Variants in EYS observed in about 807,000 individuals in gnomAD.
The protein encoded by EYS is protein eyes shut homolog.
A neutral mutation model predicts 282.1 loss-of-function variants in EYS; 250 were observed. That is an observed-to-expected ratio of 0.89 (90% CI 0.80 to 0.98). The LOEUF is 0.98. Among genes scored for constraint, EYS ranks in the 50% least tolerant of loss-of-function variants. EYS has a pLI of 0.00. For synonymous variants in EYS, 1,355 were observed against 1,282.9 expected, an observed-to-expected ratio of 1.06 and a Z score of -1.20; for missense variants, 4,016 against 3,709.0, an observed-to-expected ratio of 1.08 and a Z score of -2.15.
At chr6:65,487,052 T>C (rs1321931752) in intron 5 of EYS, among the ~76,000 whole-genome samples, 1 of 152,198 alleles carries the variant, frequency 6.6e-6, no homozygotes, top group African/African-American at 2.4e-5. Context: ...TGAAGTTCCT[T>C]ATCAGCTTAA....
At chr6:64,439,829 C>G (rs577355048) in intron 26 of EYS, among the ~76,000 whole-genome samples, 92 of 151,892 alleles carry the variant, frequency 6.1e-4, no homozygotes, top group African/African-American at 2.2e-3. Context: ...CTCTCACCTT[C>G]TGAATGATAT....
intron 41 of EYS, among the ~76,000 whole-genome samples, chr6:63,755,029 AT>A (rs1397492329): frequency 6.6e-6 from 1 of 151,576 alleles, no homozygotes; most frequent in Non-Finnish European, 1.5e-5. Context: ...CCACTTTTTG[AT>A]GGGGTTGTTT....
intron 2 of EYS, among the ~76,000 whole-genome samples, chr6:65,527,104 A>G (rs1767597191): frequency 6.6e-6 from 1 of 152,168 alleles, no homozygotes; most frequent in Admixed American, 6.5e-5. Flanking sequence ...GTGTCAGTCC[A>G]TGGGACAGAA....
chr6:65,504,941 GT>G (rs1289991716), intron 2 of EYS, among the ~76,000 whole-genome samples: 1 of 151,720 alleles, frequency 6.6e-6, no homozygotes, highest in Non-Finnish European at 1.5e-5. Context: ...CTTAGGAAGT[GT>G]TCCATCTGCT....
At chr6:64,826,641 G>T (rs1161080809) in intron 19 of EYS, among the ~76,000 whole-genome samples, 1 of 148,508 alleles carries the variant, frequency 6.7e-6, no homozygotes, top group Non-Finnish European at 1.5e-5. Context: ...TATTATAATA[G>T]AAATTATATA....
At chr6:64,490,546 T>G (rs1314324264) in intron 26 of EYS, among the ~76,000 whole-genome samples, 1 of 150,862 alleles carries the variant, frequency 6.6e-6, no homozygotes, top group Non-Finnish European at 1.5e-5. Flanking sequence ...ACCTCTGGTT[T>G]GTGGTATGTG....
At chr6:64,886,568 A>G (rs1195960292) in intron 19 of EYS, 129 bp downstream of exon 19, 1 of 575,580 alleles carries the variant, frequency 1.7e-6, no homozygotes, top group African/African-American at 2.0e-5. Flanking sequence ...TAAGAGACAA[A>G]TTATCTCTTG....
chr6:63,996,640 A>G (rs1767850616), intron 34 of EYS, among the ~76,000 whole-genome samples: 1 of 152,166 alleles, frequency 6.6e-6, no homozygotes, highest in Non-Finnish European at 1.5e-5. Context: ...TGGACTATCT[A>G]GCTAGAATGT....
intron 30 of EYS, among the ~76,000 whole-genome samples, chr6:64,301,391 A>T (rs190387302): frequency 6.6e-6 from 1 of 152,140 alleles, no homozygotes; most frequent in Non-Finnish European, 1.5e-5. Context: ...AGGCAACAAG[A>T]TTGCATAGAC....
At chr6:64,736,572 C>T (rs1314129956) in intron 22 of EYS, among the ~76,000 whole-genome samples, 2 of 152,114 alleles carry the variant, frequency 1.3e-5, no homozygotes, top group African/African-American at 4.8e-5. Context: ...CTTGTTCCTC[C>T]CTTTGGCCCA....
At chr6:65,477,057 C>T (rs1270084493) in intron 5 of EYS, among the ~76,000 whole-genome samples, 1 of 152,046 alleles carries the variant, frequency 6.6e-6, no homozygotes, top group Non-Finnish European at 1.5e-5. Flanking sequence ...TGGTATTGTG[C>T]TTTTATAGCC....
chr6:64,499,320 C>T (rs1224018665), intron 26 of EYS, among the ~76,000 whole-genome samples: 1 of 152,166 alleles, frequency 6.6e-6, no homozygotes, highest in East Asian at 1.9e-4. Context: ...TTTTATGTCT[C>T]TTGGCTTTTC....
At chr6:65,582,042 A>G (rs1472153700) in intron 2 of EYS, among the ~76,000 whole-genome samples, 2 of 151,532 alleles carry the variant, frequency 1.3e-5, no homozygotes, top group African/African-American at 2.4e-5. Flanking sequence ...ATATATATAT[A>G]TAAATTAGCC....
intron 31 of EYS, among the ~76,000 whole-genome samples, chr6:64,128,990 C>T (rs1426707298): frequency 6.6e-6 from 1 of 152,094 alleles, no homozygotes; most frequent in Admixed American, 6.5e-5. Context: ...AGTGGTGAGG[C>T]AAATTATATA....
chr6:65,026,651 C>T (rs1004477917), intron 13 of EYS, among the ~76,000 whole-genome samples: 1 of 152,156 alleles, frequency 6.6e-6, no homozygotes, highest in East Asian at 1.9e-4. Context: ...GGCATGGTGG[C>T]TCTCTCCTGT....
intron 28 of EYS, among the ~76,000 whole-genome samples, chr6:64,416,413 G>A (rs949528534): frequency 6.6e-6 from 1 of 152,038 alleles, no homozygotes; most frequent in Non-Finnish European, 1.5e-5. Flanking sequence ...AACAAGAGCA[G>A]CAGTAAACCA....
intron 35 of EYS, among the ~76,000 whole-genome samples, chr6:63,953,517 C>A (rs986264691): frequency 6.6e-5 from 10 of 152,168 alleles, no homozygotes; most frequent in Admixed American, 3.9e-4. Flanking sequence ...CCCTGCTAAT[C>A]ATGTCTGGCT....
At chr6:65,453,572 T>C (rs1764489414) in intron 5 of EYS, among the ~76,000 whole-genome samples, 1 of 151,972 alleles carries the variant, frequency 6.6e-6, no homozygotes, top group East Asian at 1.9e-4. Context: ...TAATATACAA[T>C]ATTAAACTGT....
At chr6:64,921,913 C>CA in intron 15 of EYS, among the ~76,000 whole-genome samples, 1 of 150,288 alleles carries the variant, frequency 6.7e-6, no homozygotes, top group African/African-American at 2.4e-5. Context: ...AGAAAGGGCA[C>CA]AAAAATAGTT....
Sources: gnomAD v4.1 joint callset for allele counts (sites outside exome capture counted in the v4.1 genomes callset) on GRCh38, gnomAD v4.1.1 for gene constraint, MANE v1.5 for transcripts, NCBI Gene and HGNC (gene_info 2026-07-23, HGNC 2026-07-21) for gene names.